Variants in MMP19 observed in about 807,000 individuals in gnomAD.
MMP19 encodes matrix metallopeptidase 19, also known as matrix metalloproteinase-19.
Under a neutral mutation model 46.6 loss-of-function variants are expected in MMP19, and 47 were observed. That is an observed-to-expected ratio of 1.01 (90% CI 0.80 to 1.29). MMP19 has a LOEUF of 1.29. Ranked by LOEUF, MMP19 falls within the 50% of genes most tolerant of loss-of-function variation. The probability of loss-of-function intolerance (pLI) is 0.00; values close to 1 mark genes in which losing one functional copy is unlikely to be tolerated. For synonymous variants in MMP19, 222 were observed against 248.5 expected (o/e 0.89, Z 1.00); for missense variants, 589 against 643.5 (o/e 0.92, Z 0.92).
rs1881286284 is a variant in MMP19, at chr12:55,837,206, G to T, written c.1357C>A (p.Gln453Lys). Residue 453 changes from glutamine to lysine, a missense_variant, in exon 9 of 9, where the codon CAG becomes AAG. By Grantham distance (53) the Gln-to-Lys change is moderately conservative. Transcript: ENST00000322569. ...FKGKVYWRLN[Q>K]QLRVEKGYPR... ...TAGCCTTTCTCTACTCGAAGCTGCT[G>T]GTTGAGGCGCCAGTAGACTTTGCCC... 1 of 1,614,120 alleles carries T rather than the reference G, an allele frequency of 6.2e-7. No homozygotes were observed.
Position 55,836,892 on chromosome 12 carries a change from G to A in MMP19, c.*144C>T, listed in dbSNP as rs570249593. Reference sequence around the variant, plus strand: ...AGAGGCCTGAGATCTACGGTCTTGCGCCTGCTACAGCACCTGCAAGGTTCT... The same window carrying A: ...AGAGGCCTGAGATCTACGGTCTTGCACCTGCTACAGCACCTGCAAGGTTCT... On this transcript the variant is annotated 3_prime_UTR_variant, in exon 9 of 9. Transcript: ENST00000322569. 8.2e-6 allele frequency: 6 copies of A among 732,720 alleles called. No individual in the cohort carries two copies. Among genetic ancestry groups the A allele is most frequent in the Admixed American group, 2.9e-5 (1 of 34,876 alleles). The allele number at this position is 732,720 out of a possible 1,614,324, so 45.4% of individuals were successfully genotyped here. A position where few individuals can be genotyped will look rare whatever the true frequency, so the allele number is the denominator to read the frequency against.
Position 55,839,502 on chromosome 12 carries a change from G to GATC in MMP19, c.759_760insGAT (p.Ala253_Leu254insAsp), listed in dbSNP as rs751648144. 2.3e-5 allele frequency: 37 copies of GATC among 1,607,600 alleles called. No homozygotes were observed. In the East Asian group the frequency reaches 7.8e-4, roughly 34 times the overall value. ...ACTAGGGGGAGGGACTGACCATAGA[G>GATC]AGCCTGGATCCCTGCCACATCATCT... On this transcript the variant is annotated inframe_insertion, in exon 5 of 9. Coordinates refer to ENST00000322569, the MANE Select transcript of MMP19 (RefSeq NM_002429.6).
In MMP19 at chr12:55,837,699, A is replaced by G; in HGVS notation, c.1061-17T>C. On this transcript the variant is annotated splice_polypyrimidine_tract_variant and intron_variant, in intron 7 of 8. Transcript: ENST00000322569. ...CCTTGTCTCCTGAGAGCATGTGAGG[A>G]AAGAACAAGTCACCTCTGTCCTCAG... is the stretch of plus-strand genomic sequence containing the variant. 1 of 1,614,092 alleles carries G rather than the reference A, an allele frequency of 6.2e-7. No homozygotes were observed. Among genetic ancestry groups the G allele is most frequent in the Non-Finnish European group, 8.5e-7 (1 of 1,180,006 alleles).
At chr12:55,842,252 G>T in intron 2 of MMP19, 101 bp downstream of exon 2, 1 of 934,836 alleles carries the variant, frequency 1.1e-6, no homozygotes, top group Admixed American at 1.8e-5. Context: ...CCCTGGCATG[G>T]TTTAGGGTCA....
At chr12:55,842,500 G>T in intron 1 of MMP19, 62 bp from the exon 2 acceptor site, 1 of 1,299,776 alleles carries the variant, frequency 7.7e-7, no homozygotes, top group Non-Finnish European at 1.1e-6. Context: ...AAGCTTCTAA[G>T]TGACCTAACA....
chr12:55,838,704 T>C lies in MMP19; in HGVS notation c.797A>G (p.Glu266Gly). ...AGTGGGCAGCTCTGTCTCTTCTTCT[T>C]CCTCATCCCTTATCACTGGACTCTT... ...GKKSPVIRDE[E>G]EEETELPTVP... Residue 266 changes from glutamate to glycine, a missense_variant, in exon 6 of 9, where the codon GAA becomes GGA. Transcript: ENST00000322569. 6.2e-7 allele frequency: 1 copy of C among 1,609,268 alleles called. No individual in the cohort carries two copies. Among genetic ancestry groups the C allele is most frequent in the Non-Finnish European group, 8.5e-7 (1 of 1,177,078 alleles).
intron 4 of MMP19, 92 bp downstream of exon 4, chr12:55,840,575 A>C: frequency 7.7e-7 from 1 of 1,302,484 alleles, no homozygotes. Context: ...GATAAAGAGC[A>C]GCCCAAACAT....
In MMP19 at chr12:55,837,348, C is replaced by G. The variant is rs1411260986; in HGVS notation, c.1215G>C (p.Glu405Asp). ...AGCTGCTGAAGTCAGTTCGGGCTAG[C>G]TCGTCCCACTGCCAGTACCCGGAGC... ...FKGSGYWQWD[E>D]LARTDFSSYP... The change falls in exon 9 of 9, where the codon GAG becomes GAC. Residue 405 changes from glutamate to aspartate, a missense_variant. Transcript: ENST00000322569. 1 of 1,604,746 alleles carries G rather than the reference C, an allele frequency of 6.2e-7. No individual in the cohort carries two copies. Among genetic ancestry groups the G allele is most frequent in the African/African-American group, 1.3e-5 (1 of 74,720 alleles).
Position 55,837,121 on chromosome 12 carries a change from G to A in MMP19, c.1442C>T (p.Pro481Leu), listed in dbSNP as rs1881275188. 6 of 1,613,628 alleles carry A rather than the reference G, an allele frequency of 3.7e-6. No individual in the cohort carries two copies. In the South Asian group the frequency reaches 6.6e-5, roughly 18 times the overall value. ...HCRPRTIDTT[P>L]SGGNTTPSGT... ...TGAGGGAGTGGTATTCCCACCTGAT[G>A]GGGTAGTGTCTATAGTCCGGGGACG... The change falls in exon 9 of 9, where the codon CCA (proline) becomes CTA (leucine). Residue 481 changes from proline (P) to leucine (L), a missense_variant. By Grantham distance (98) the Pro-to-Leu change is moderately conservative. Transcript: ENST00000322569.
chr12:55,837,712 C>A (rs755542332), intron 7 of MMP19, 30 bp from the exon 8 acceptor site: 1 of 1,614,032 alleles, frequency 6.2e-7, no homozygotes, highest in South Asian at 1.1e-5. Context: ...GAACAAGTCA[C>A]CTCTGTCCTC....
chr12:55,838,737 A>G lies in MMP19; in HGVS notation c.767-3T>C, dbSNP rs556393129. ...CCTTATCACTGGACTCTTCTTGCCT[A>G]TAAGGTAAAGTAATGCTGCTTAGGG... On this transcript the variant is annotated splice_polypyrimidine_tract_variant and splice_region_variant and intron_variant, in intron 5 of 8. Transcript: ENST00000322569. 4.1e-5 allele frequency: 64 copies of G among 1,579,114 alleles called. No homozygotes were observed. The highest frequency in any genetic ancestry group is 1.2e-4 in the African/African-American group (9 of 74,206).
Position 55,840,796 on chromosome 12 carries a change from G to A in MMP19, c.391C>T (p.Gln131Ter), listed in dbSNP as rs1291426179. 2 of 1,613,254 alleles carry A rather than the reference G, an allele frequency of 1.2e-6. No individual in the cohort carries two copies. The highest frequency in any genetic ancestry group is 1.7e-6 in the Non-Finnish European group (2 of 1,179,286). The part of the protein sequence containing the change: ...PPHTARAALR[Q>*]AFQDWSNVAP... ...ACATTGCTCCAGTCCTGGAAGGCTT[G>A]ACGCAGGGCTGCCCGGGCTGTGTGG... The change falls in exon 4 of 9, where the codon CAA (glutamine) becomes TAA (stop). Residue 131 changes from glutamine to a stop codon, truncating the protein, a stop_gained. Coordinates refer to ENST00000322569, the MANE Select transcript of MMP19 (RefSeq NM_002429.6). LOFTEE classifies it high-confidence loss of function.
chr12:55,837,707 A>C, intron 7 of MMP19, 25 bp from the exon 8 acceptor site: 1 of 1,614,080 alleles, frequency 6.2e-7, no homozygotes, highest in Non-Finnish European at 8.5e-7. Flanking sequence ...GGAAAGAACA[A>C]GTCACCTCTG....
chr12:55,839,449 C>T (rs375046152), intron 5 of MMP19, 47 bp downstream of exon 5: 42 of 1,554,864 alleles, frequency 2.7e-5, no homozygotes, highest in East Asian at 4.5e-5. Flanking sequence ...CAAGCCTTGA[C>T]GTGGGAGTCA....
intron 2 of MMP19, among the ~76,000 whole-genome samples, chr12:55,841,843 T>C (rs1881725500): frequency 6.6e-6 from 1 of 151,864 alleles, no homozygotes; most frequent in African/African-American, 2.4e-5. Context: ...CCTTCCTGAA[T>C]GGATACCCGT....
chr12:55,837,447 G>A lies in MMP19; in HGVS notation c.1189-73C>T. 3.8e-6 allele frequency: 6 copies of A among 1,579,978 alleles called. No individual in the cohort carries two copies. The South Asian group carries it at 5.8e-5, about 15-fold the overall frequency. The stretch of plus-strand genomic sequence containing the variant: ...TAGGACCCCCAGGGGTCCACCCCCA[G>A]CCCACTGCAGCTGCAGAACATCTCC... On this transcript the variant is annotated intron_variant, in intron 8 of 8. Coordinates refer to ENST00000322569, the MANE Select transcript of MMP19 (RefSeq NM_002429.6).
chr12:55,840,978 G>T, intron 3 of MMP19, 96 bp from the exon 4 acceptor site: 1 of 1,534,700 alleles, frequency 6.5e-7, no homozygotes, highest in South Asian at 1.2e-5. Context: ...CAAGACAGGT[G>T]ACAACCAGGT....
chr12:55,837,367 C>T lies in MMP19; in HGVS notation c.1196G>A (p.Gly399Glu). Residue 399 changes from glycine (G) to glutamate (E), a missense_variant, in exon 9 of 9, where the codon GGG (glycine) becomes GAG (glutamate). Gly to Glu is a moderately conservative substitution (Grantham distance 98). Transcript: ENST00000322569. ...NQKVFLFKGSGYWQWDELART... is the reference protein window; with the variant it reads ...NQKVFLFKGSEYWQWDELART... ...GGCTAGCTCGTCCCACTGCCAGTAC[C>T]CGGAGCCCTGGATATGGGATGGGTG... is the stretch of plus-strand genomic sequence containing the variant. 6.3e-7 allele frequency: 1 copy of T among 1,599,370 alleles called. No homozygotes were observed. Among genetic ancestry groups the T allele is most frequent in the Non-Finnish European group, 8.6e-7 (1 of 1,169,398 alleles).
rs1283433097 is a variant in MMP19 at position 55,838,663 on chromosome 12, T to TG, written c.837dup (p.Thr280HisfsTer12). The TG allele has an allele frequency of 6.2e-7, 1 of 1,613,900 alleles. No individual in the cohort carries two copies. Among genetic ancestry groups the TG allele is most frequent in the Admixed American group, 1.7e-5 (1 of 59,992 alleles). On this transcript the variant is annotated frameshift_variant, in exon 6 of 9. Transcript: ENST00000322569. LOFTEE classifies it high-confidence loss of function. The stretch of plus-strand genomic sequence containing the variant: ...GGGTCTGGCATGGGACTGGGTTCTG[T>TG]GGGCACTGGGGGCACAGTGGGCAGC...
Sources: allele counts gnomAD v4.1 joint callset (sites outside exome capture counted in the v4.1 genomes callset), GRCh38; gene constraint gnomAD v4.1.1; transcripts MANE v1.5; gene names NCBI Gene and HGNC (gene_info 2026-07-23, HGNC 2026-07-21).